Variants in SH3GL2 observed in about 807,000 individuals in gnomAD.
The protein encoded by SH3GL2 is endophilin-A1.
A neutral mutation model predicts 46.0 loss-of-function variants in SH3GL2; 24 were observed. The ratio of observed to expected loss-of-function variants is 0.52; its 90% CI spans 0.38 to 0.73. The LOEUF (loss-of-function observed/expected upper bound fraction) is 0.73, where lower values mean the gene tolerates loss of function less well. Ranked by LOEUF, SH3GL2 falls within the 30% of genes least tolerant of loss-of-function variation. The pLI, the probability that SH3GL2 is intolerant of heterozygous loss-of-function variation, is 0.00. For missense variants in SH3GL2, 413 were observed against 424.2 expected, an observed-to-expected ratio of 0.97 and a Z score of 0.23; for synonymous variants, 196 against 147.1, an observed-to-expected ratio of 1.33 and a Z score of -2.40.
At chr9:17,592,870 A>C (rs1210396270) in intron 1 of SH3GL2, among the ~76,000 whole-genome samples, 1 of 152,130 alleles carries the variant, frequency 6.6e-6, no homozygotes, top group Non-Finnish European at 1.5e-5. Flanking sequence ...GTATGCTTAG[A>C]GGGTTGGGAC....
In SH3GL2 at chr9:17,737,901, C is replaced by T. The variant is rs181764843; in HGVS notation, c.46-9165C>T. Among the ~76,000 whole-genome samples, 489 of 152,168 alleles carry T rather than the reference C, an allele frequency of 3.2e-3. 4 individuals are homozygous for T. The highest frequency in any genetic ancestry group is 0.014 in the Middle Eastern group (4 of 294). The stretch of plus-strand genomic sequence containing the variant: ...GAACTTCTGTGTAATAAAGCTTCTT[C>T]CCTAATCCCATGTCTGTTCATCTGG... On this transcript the variant is annotated intron_variant, in intron 1 of 8. Transcript: ENST00000380607.
At chr9:17,641,026 C>T (rs567771182) in intron 1 of SH3GL2, among the ~76,000 whole-genome samples, 14 of 151,970 alleles carry the variant, frequency 9.2e-5, no homozygotes, top group African/African-American at 3.1e-4. Flanking sequence ...TTGTAGAATC[C>T]CTTTGATTAT....
intron 1 of SH3GL2, among the ~76,000 whole-genome samples, chr9:17,698,211 T>C (rs1821256678): frequency 6.6e-6 from 1 of 152,200 alleles, no homozygotes; most frequent in African/African-American, 2.4e-5. Flanking sequence ...CTTGTCACTT[T>C]GGTCAACATC....
chr9:17,795,744 G>C lies in SH3GL2; in HGVS notation c.*1G>C. ...AATTCTGGTTGCCCTGCCCCATTAGGATGTTATGCTGGCTGGCTCGCCTCC... is the reference window on the plus strand; with the variant it reads ...AATTCTGGTTGCCCTGCCCCATTAGCATGTTATGCTGGCTGGCTCGCCTCC... On this transcript the variant is annotated 3_prime_UTR_variant, in exon 9 of 9. Coordinates refer to ENST00000380607, the MANE Select transcript of SH3GL2 (RefSeq NM_003026.5). 1 of 1,612,302 alleles carries C rather than the reference G, an allele frequency of 6.2e-7. No homozygotes were observed. Among genetic ancestry groups the C allele is most frequent in the Non-Finnish European group, 8.5e-7 (1 of 1,178,716 alleles).
chr9:17,775,803 A>T (rs923822248), intron 3 of SH3GL2, among the ~76,000 whole-genome samples: 1 of 152,130 alleles, frequency 6.6e-6, no homozygotes, highest in Non-Finnish European at 1.5e-5. Flanking sequence ...CAGAACATAA[A>T]GATGTGACTT....
intron 6 of SH3GL2, chr9:17,790,412 G>A: frequency 1.0e-6 from 1 of 984,140 alleles, no homozygotes; most frequent in African/African-American, 1.7e-5. Flanking sequence ...ACTCCTGACT[G>A]TGGCAGGGGA....
intron 1 of SH3GL2, among the ~76,000 whole-genome samples, chr9:17,647,901 G>T (rs1819860098): frequency 6.6e-6 from 1 of 152,112 alleles, no homozygotes; most frequent in African/African-American, 2.4e-5. Context: ...CCTTGAGACA[G>T]TGAGGCCAGT....
intron 1 of SH3GL2, among the ~76,000 whole-genome samples, chr9:17,640,764 A>T (rs1250002826): frequency 1.3e-5 from 2 of 152,342 alleles, no homozygotes; most frequent in South Asian, 2.1e-4. Flanking sequence ...TATATTATTT[A>T]TTCATTTACT....
At chr9:17,637,419 T>C (rs1260297215) in intron 1 of SH3GL2, among the ~76,000 whole-genome samples, 2 of 152,226 alleles carry the variant, frequency 1.3e-5, no homozygotes, top group Admixed American at 1.3e-4. Context: ...AGCTCCCTTG[T>C]AGCACTTGTG....
chr9:17,671,295 A>C (rs1161416234), intron 1 of SH3GL2, among the ~76,000 whole-genome samples: 1 of 139,470 alleles, frequency 7.2e-6, no homozygotes, highest in Non-Finnish European at 1.6e-5. Flanking sequence ...GTTTTACACA[A>C]TGAGGAATTT....
chr9:17,668,338 A>G (rs1049293486), intron 1 of SH3GL2, among the ~76,000 whole-genome samples: 1 of 152,180 alleles, frequency 6.6e-6, no homozygotes, highest in South Asian at 2.1e-4. Context: ...TTGCATGTGG[A>G]TATCCAGAGT....
intron 3 of SH3GL2, among the ~76,000 whole-genome samples, chr9:17,785,878 C>T (rs772040137): frequency 6.6e-6 from 1 of 152,154 alleles, no homozygotes; most frequent in Non-Finnish European, 1.5e-5. Context: ...GAAAATAGTT[C>T]TGTTTCATAC....
chr9:17,708,345 A>G (rs944764328), intron 1 of SH3GL2, among the ~76,000 whole-genome samples: 3 of 151,856 alleles, frequency 2.0e-5, no homozygotes, highest in Non-Finnish European at 4.4e-5. Flanking sequence ...CGCTTTATAT[A>G]TTTCATTTTT....
At chr9:17,639,917 T>A (rs1005045704) in intron 1 of SH3GL2, among the ~76,000 whole-genome samples, 1 of 152,164 alleles carries the variant, frequency 6.6e-6, no homozygotes, top group Non-Finnish European at 1.5e-5. Flanking sequence ...ATATGAAAAT[T>A]GAAAATTGGC....
intron 1 of SH3GL2, among the ~76,000 whole-genome samples, chr9:17,707,845 A>G (rs1337013027): frequency 6.6e-6 from 1 of 152,058 alleles, no homozygotes; most frequent in Admixed American, 6.6e-5. Context: ...AACACAGACA[A>G]GTGAAAAAGT....
chr9:17,651,359 T>A (rs1385994025), intron 1 of SH3GL2, among the ~76,000 whole-genome samples: 1 of 148,362 alleles, frequency 6.7e-6, no homozygotes, highest in Non-Finnish European at 1.5e-5. Context: ...CTTTCTGCAT[T>A]TATTTAGGGA....
chr9:17,621,620 C>T (rs1212556995), intron 1 of SH3GL2, among the ~76,000 whole-genome samples: 1 of 152,090 alleles, frequency 6.6e-6, no homozygotes, highest in Non-Finnish European at 1.5e-5. Flanking sequence ...GTATTGATGT[C>T]AGGATGATAC....
intron 3 of SH3GL2, among the ~76,000 whole-genome samples, chr9:17,770,159 C>A (rs1823431435): frequency 6.6e-6 from 1 of 152,156 alleles, no homozygotes; most frequent in Non-Finnish European, 1.5e-5. Context: ...TAGTATATTT[C>A]ACAATTGCTT....
At chr9:17,744,853 A>G (rs2118518977) in intron 1 of SH3GL2, among the ~76,000 whole-genome samples, 2 of 152,278 alleles carry the variant, frequency 1.3e-5, no homozygotes, top group South Asian at 2.1e-4. Flanking sequence ...GAAATAGGGG[A>G]TCATCAGTCA....
Sources: allele counts gnomAD v4.1 joint callset (sites outside exome capture counted in the v4.1 genomes callset), GRCh38; gene constraint gnomAD v4.1.1; transcripts MANE v1.5; gene names NCBI Gene and HGNC (gene_info 2026-07-23, HGNC 2026-07-21).